Variants in COL27A1 observed in about 807,000 individuals in gnomAD.
The protein encoded by COL27A1 is collagen type XXVII alpha 1 chain.
In COL27A1, 106 loss-of-function variants were observed where a neutral mutation model predicts 251.3. That is an observed-to-expected ratio of 0.42 (90% CI 0.36 to 0.50). The LOEUF (loss-of-function observed/expected upper bound fraction) is 0.50, where lower values mean the gene tolerates loss of function less well. Among genes scored for constraint, COL27A1 ranks in the 20% least tolerant of loss-of-function variants. The pLI, the probability that COL27A1 is intolerant of heterozygous loss-of-function variation, is 0.00. For missense variants in COL27A1, 2,325 were observed against 2,522.8 expected (o/e 0.92, Z 1.68); for synonymous variants, 1,000 against 986.3 (o/e 1.01, Z -0.26).
chr9:114,283,230 G>A (rs140977656), intron 39 of COL27A1, among the ~76,000 whole-genome samples: 27 of 152,308 alleles, frequency 1.8e-4, no homozygotes, highest in African/African-American at 6.3e-4. Context: ...ATGCAGAGTG[G>A]GGAGGAGTTA....
Position 114,290,465 on chromosome 9 carries a change from G to A in COL27A1, c.4368+134G>A. 3 of 792,026 alleles carry A rather than the reference G, an allele frequency of 3.8e-6. No homozygotes were observed. Among genetic ancestry groups the A allele is most frequent in the Non-Finnish European group, 6.3e-6 (3 of 474,844 alleles). 49.1% of individuals were successfully genotyped at this position (792,026 alleles called of 1,614,324 possible). ...GAACCAACACATCCAGAAGTTCTCT[G>A]GGGTGGGCAACCATCTCCTCCCCTG... On this transcript the variant is annotated intron_variant, in intron 47 of 60. Transcript: ENST00000356083. The surrounding 1 kb of genome is among the most constrained non-coding windows in gnomAD (Gnocchi z 4.6).
intron 21 of COL27A1, among the ~76,000 whole-genome samples, chr9:114,241,330 G>T (rs1832740347): frequency 6.6e-6 from 1 of 152,272 alleles, no homozygotes; most frequent in African/African-American, 2.4e-5. Flanking sequence ...CAGCTGACAT[G>T]GATCCCTTCT....
chr9:114,307,038 GC>G (rs1220587793), intron 58 of COL27A1: 19 of 254,632 alleles, frequency 7.5e-5, no homozygotes, highest in Non-Finnish European at 1.2e-4. Flanking sequence ...CTGATGTGGT[GC>G]TGTGAAGGAC....
chr9:114,164,874 GC>G (rs1229609300), intron 2 of COL27A1, among the ~76,000 whole-genome samples: 1 of 152,160 alleles, frequency 6.6e-6, no homozygotes, highest in East Asian at 1.9e-4. Context: ...TGAAATGAAA[GC>G]CCCTTGGGTC....
intron 10 of COL27A1, among the ~76,000 whole-genome samples, chr9:114,206,967 A>T (rs1830009380): frequency 6.6e-6 from 1 of 152,146 alleles, no homozygotes; most frequent in Non-Finnish European, 1.5e-5. Context: ...GGGTAAATGG[A>T]GTTGGAAAGA....
intron 5 of COL27A1, among the ~76,000 whole-genome samples, chr9:114,188,264 G>T (rs1828524658): frequency 6.6e-6 from 1 of 152,186 alleles, no homozygotes; most frequent in Non-Finnish European, 1.5e-5. Context: ...TAACTTCCAG[G>T]TCATCAGGTC....
intron 3 of COL27A1, among the ~76,000 whole-genome samples, chr9:114,174,312 G>A (rs1321720239): frequency 6.6e-6 from 1 of 152,098 alleles, no homozygotes; most frequent in Non-Finnish European, 1.5e-5. Flanking sequence ...TGAAACACAA[G>A]GGGCCTGGAA....
rs187329456 is a variant in COL27A1, at chr9:114,229,824, C to T, written c.2467-1255C>T. On this transcript the variant is annotated intron_variant, in intron 14 of 60. Coordinates refer to ENST00000356083, the MANE Select transcript of COL27A1 (RefSeq NM_032888.4). ...TAGGCTGGTTAAGAGAAAAGTCAGC[C>T]GCTTCTTCACTCTGTACCAGGGTTC... 1.4e-4 allele frequency among the ~76,000 whole-genome samples: 22 copies of T among 152,248 alleles called. No individual in the cohort carries two copies. In the South Asian group the frequency reaches 3.9e-3, roughly 27 times the overall value.
At chr9:114,227,876 C>T (rs1014679803) in intron 14 of COL27A1, among the ~76,000 whole-genome samples, 3 of 152,166 alleles carry the variant, frequency 2.0e-5, no homozygotes, top group East Asian at 3.9e-4. Flanking sequence ...ACACAGTAGA[C>T]GGCTGCTCTG....
chr9:114,267,637 G>A lies in COL27A1; in HGVS notation c.3501+80G>A, dbSNP rs919303790. 106 of 1,300,404 alleles carry A rather than the reference G, an allele frequency of 8.2e-5. No homozygotes were observed. The East Asian group carries it at 2.7e-3, about 33-fold the overall frequency. The allele number at this position is 1,300,404 out of a possible 1,614,324, so 80.6% of individuals were successfully genotyped here. On this transcript the variant is annotated intron_variant, in intron 34 of 60. Transcript: ENST00000356083. ...GTGGCCACATCCTCTCCATGGAAGA[G>A]AAATGGGCCTTTCTTGTGGCTGGGA...
intron 56 of COL27A1, among the ~76,000 whole-genome samples, chr9:114,303,942 A>C (rs746272894): frequency 1.1e-4 from 17 of 152,240 alleles, no homozygotes; most frequent in Admixed American, 2.0e-4. Flanking sequence ...CACAACTGAC[A>C]TCTATAGGAT....
chr9:114,166,368 A>AATCCATCCATCCATCCGTCC lies in COL27A1; in HGVS notation c.134-1305_134-1304insGTCCATCCATCCATCCATCC, dbSNP rs1848865526. Among the ~76,000 whole-genome samples the AATCCATCCATCCATCCGTCC allele has an allele frequency of 2.4e-4, 9 of 37,142 alleles. No homozygotes were observed. In the South Asian group the frequency reaches 8.6e-3, roughly 35 times the overall value. 24.4% of individuals were successfully genotyped at this position (37,142 alleles called of 152,430 possible). A position where few individuals can be genotyped will look rare whatever the true frequency, so the allele number is the denominator to read the frequency against. ...TCATGCATCCATGTATCCATCCATC[A>AATCCATCCATCCATCCGTCC]ATCCATCCATCCATCCATCCATCCA... On this transcript the variant is annotated intron_variant, in intron 2 of 60. Coordinates refer to ENST00000356083, the MANE Select transcript of COL27A1 (RefSeq NM_032888.4).
rs1835963575 is a variant in COL27A1, at chr9:114,282,309, G to A, written c.3750G>A (p.Glu1250=). The A allele has an allele frequency of 6.2e-7, 1 of 1,614,048 alleles. No homozygotes were observed. Among genetic ancestry groups the A allele is most frequent in the Non-Finnish European group, 8.5e-7 (1 of 1,180,020 alleles). Residue 1250 remains glutamate, a synonymous_variant, in exon 38 of 61, where the codon GAG becomes GAA. Transcript: ENST00000356083. The stretch of plus-strand genomic sequence containing the variant: ...AAGGAAAATCAGGGAAGCAAGGCGA[G>A]AAGGGCCGCACTGGAGCCAAGGTAG... ...GPEGKSGKQG[E]KGRTGAKGAK...
In COL27A1 at chr9:114,264,942, G is replaced by A; in HGVS notation, c.3268G>A (p.Gly1090Ser). Residue 1090 changes from glycine (G) to serine (S), a missense_variant, in exon 30 of 61, where the codon GGC becomes AGC. By Grantham distance (56) the Gly-to-Ser change is moderately conservative. This residue lies in a region of COL27A1 where 662 missense variants were observed against 795.3 expected (regional missense o/e 0.83). Coordinates refer to ENST00000356083, the MANE Select transcript of COL27A1 (RefSeq NM_032888.4). ...CCCACAGGGCCCTCCAGGACCCCAG[G>A]GCAGACCGGGCCGGCCTGGACAGCA... ...RGLKGPPGPQ[G>S]RPGRPGQQGV... 2 of 1,613,314 alleles carry A rather than the reference G, an allele frequency of 1.2e-6. No individual in the cohort carries two copies. Among genetic ancestry groups the A allele is most frequent in the Non-Finnish European group, 1.7e-6 (2 of 1,179,568 alleles).
chr9:114,263,512 C>T (rs532026280), intron 28 of COL27A1, among the ~76,000 whole-genome samples: 1 of 152,114 alleles, frequency 6.6e-6, no homozygotes, highest in African/African-American at 2.4e-5. Context: ...AGCCCATCTG[C>T]GTCTCTGTGG....
At chr9:114,166,105 A>G (rs566381582) in intron 2 of COL27A1, among the ~76,000 whole-genome samples, 31 of 150,270 alleles carry the variant, frequency 2.1e-4, no homozygotes, top group Middle Eastern at 7.5e-3. Flanking sequence ...TCATCTATCT[A>G]TCCATCCATC....
chr9:114,222,466 C>T (rs1310851928), intron 14 of COL27A1, among the ~76,000 whole-genome samples, 199 bp downstream of exon 14: 3 of 40,412 alleles, frequency 7.4e-5, no homozygotes, highest in African/African-American at 2.0e-4. Flanking sequence ...TAGGGGAGGG[C>T]GGGCGGCTGA....
chr9:114,159,838 C>T (rs1240362902), intron 1 of COL27A1, among the ~76,000 whole-genome samples: 1 of 152,212 alleles, frequency 6.6e-6, no homozygotes, highest in African/African-American at 2.4e-5. Context: ...TGGTATTCTC[C>T]GTTTGTGTAA....
At chr9:114,234,100 G>A (rs1258499957) in intron 16 of COL27A1, among the ~76,000 whole-genome samples, 3 of 151,726 alleles carry the variant, frequency 2.0e-5, no homozygotes, top group Non-Finnish European at 2.9e-5. Context: ...CTCCTGCTCC[G>A]AGCCCAGCTC....
Sources: allele counts gnomAD v4.1 joint callset (sites outside exome capture counted in the v4.1 genomes callset), GRCh38; gene constraint gnomAD v4.1.1; regional missense constraint gnomAD v4.1.1; non-coding constraint Gnocchi (gnomAD v3.1); transcripts MANE v1.5; gene names NCBI Gene and HGNC (gene_info 2026-07-23, HGNC 2026-07-21).